UTS2B: variants seen among roughly 807,000 people sequenced by gnomAD.
UTS2B encodes urotensin-2B.
In UTS2B, 21 loss-of-function variants were observed where a neutral mutation model predicts 19.2. The observed-to-expected ratio is 1.09, with a 90% CI of 0.78 to 1.58. The LOEUF (loss-of-function observed/expected upper bound fraction) is 1.58, where lower values mean the gene tolerates loss of function less well. UTS2B is among the 40% of genes most tolerant of loss of function. The pLI is 0.00. For synonymous variants in UTS2B, 57 were observed against 50.2 expected (o/e 1.14, Z -0.58); for missense variants, 138 against 130.3 (o/e 1.06, Z -0.29).
rs1716655371 is a variant in UTS2B, at chr3:191,289,471, T to C, written c.-124-7158A>G. Among the ~76,000 whole-genome samples the C allele has an allele frequency of 2.0e-5, 3 of 148,256 alleles. No homozygotes were observed. In the Admixed American group the frequency reaches 2.0e-4, roughly 10 times the overall value. On this transcript the variant is annotated intron_variant, in intron 4 of 8. Transcript: ENST00000340524. Reference sequence around the variant, plus strand: ...ATAAAAAACAAACGAAATTAATATGTTCAGTGCTCTAACATATTCATCACG... The same window carrying C: ...ATAAAAAACAAACGAAATTAATATGCTCAGTGCTCTAACATATTCATCACG...
chr3:191,303,752 A>G (rs1474455843), intron 4 of UTS2B, among the ~76,000 whole-genome samples: 5 of 152,138 alleles, frequency 3.3e-5, no homozygotes, highest in East Asian at 1.9e-4. Flanking sequence ...TTCTCTCCCA[A>G]TGTTTTTCCT....
Position 191,278,111 on chromosome 3 carries a change from GT to G in UTS2B, c.162del (p.Leu55Ter). 1 of 1,569,706 alleles carries G rather than the reference GT, an allele frequency of 6.4e-7. No individual in the cohort carries two copies. Among genetic ancestry groups the G allele is most frequent in the Admixed American group, 1.9e-5 (1 of 51,358 alleles). Reference sequence around the variant, plus strand: ...CTTTGGAAATCAAAATTTTTATTCAGTAGAGCCAGCAATAGTTCCTCACGAT... The same window carrying G: ...CTTTGGAAATCAAAATTTTTATTCAGAGAGCCAGCAATAGTTCCTCACGAT... Reference protein sequence around the residue: ...YTNREELLLALLNKNFDFQRP... With the variant: ...YTNREELLLAXLNKNFDFQRP... On this transcript the variant is annotated frameshift_variant, in exon 6 of 9. Coordinates refer to ENST00000340524, the MANE Select transcript of UTS2B (RefSeq NM_198152.5). LOFTEE classifies it high-confidence loss of function.
In UTS2B at chr3:191,310,313, G is replaced by A. The variant is rs547172440; in HGVS notation, c.-182+5723C>T. 2.6e-5 allele frequency among the ~76,000 whole-genome samples: 4 copies of A among 151,512 alleles called. No homozygotes were observed. In the South Asian group the frequency reaches 8.3e-4, roughly 32 times the overall value. ...CAATGTGAGAATGACCTAACACGAA[G>A]ATAGAGATAACATCCCCTTTCAAAA... On this transcript the variant is annotated intron_variant, in intron 3 of 8. Coordinates refer to ENST00000340524, the MANE Select transcript of UTS2B (RefSeq NM_198152.5).
At chr3:191,283,850 C>A (rs1212343722) in intron 4 of UTS2B, among the ~76,000 whole-genome samples, 1 of 152,126 alleles carries the variant, frequency 6.6e-6, no homozygotes, top group Non-Finnish European at 1.5e-5. Flanking sequence ...CATTTCAAAA[C>A]CTCTGTCATT....
intron 4 of UTS2B, among the ~76,000 whole-genome samples, chr3:191,285,604 A>G (rs1436960415): frequency 6.6e-6 from 1 of 152,160 alleles, no homozygotes; most frequent in Non-Finnish European, 1.5e-5. Flanking sequence ...TTAAAAATAT[A>G]CATAAGTTCA....
chr3:191,333,690 A>T (rs1718058739), upstream of UTS2B, among the ~76,000 whole-genome samples: 1 of 152,030 alleles, frequency 6.6e-6, no homozygotes. Flanking sequence ...GTGTGAATAA[A>T]TGAATGAGTG....
chr3:191,335,337 G>A (rs915896408), upstream of UTS2B, among the ~76,000 whole-genome samples: 1 of 152,286 alleles, frequency 6.6e-6, no homozygotes. Flanking sequence ...GTAGCCACTG[G>A]AAGTGCCATT....
At chr3:191,314,851 T>C (rs962831426) in intron 3 of UTS2B, among the ~76,000 whole-genome samples, 1 of 152,168 alleles carries the variant, frequency 6.6e-6, no homozygotes, top group Admixed American at 6.5e-5. Flanking sequence ...TGGAGGTTTC[T>C]GGAGGATGGG....
At chr3:191,273,168 A>C (rs1262518887) in intron 8 of UTS2B, among the ~76,000 whole-genome samples, 1 of 152,080 alleles carries the variant, frequency 6.6e-6, no homozygotes, top group Non-Finnish European at 1.5e-5. Flanking sequence ...ACTCCGTCTC[A>C]AAAAAAAGGA....
the UTS2B span, among the ~76,000 whole-genome samples, chr3:191,342,206 C>T: frequency 6.6e-6 from 1 of 152,158 alleles, no homozygotes; most frequent in African/African-American, 2.4e-5. Context: ...GTGTAGAGTT[C>T]TGACAAATAG....
chr3:191,313,420 G>C (rs9856015), intron 3 of UTS2B, among the ~76,000 whole-genome samples: 35,320 of 152,110 alleles, frequency 0.23, 4,317 homozygotes, highest in South Asian at 0.29. Flanking sequence ...TCAGGACCCA[G>C]ATTCATGGGA....
chr3:191,284,325 T>C (rs1716474081), intron 4 of UTS2B, among the ~76,000 whole-genome samples: 2 of 152,042 alleles, frequency 1.3e-5, no homozygotes, highest in Non-Finnish European at 2.9e-5. Context: ...TCTTTTCTTT[T>C]CTTTTCCTTT....
intron 3 of UTS2B, among the ~76,000 whole-genome samples, chr3:191,306,182 A>G (rs567105844): frequency 6.6e-6 from 1 of 152,294 alleles, no homozygotes; most frequent in East Asian, 1.9e-4. Flanking sequence ...ATTTTAAAAT[A>G]GTTTTCTCTA....
chr3:191,307,217 A>G (rs918587462), intron 3 of UTS2B, among the ~76,000 whole-genome samples: 5 of 152,148 alleles, frequency 3.3e-5, no homozygotes, highest in Admixed American at 3.3e-4. Context: ...AGAATCATAG[A>G]TCCTTGGAAA....
At chr3:191,320,907 A>G (rs1717596237) in intron 2 of UTS2B, among the ~76,000 whole-genome samples, 1 of 152,216 alleles carries the variant, frequency 6.6e-6, no homozygotes, top group Admixed American at 6.5e-5. Context: ...TGTGGTTTGA[A>G]TGTGTCTCTC....
intron 1 of UTS2B, chr3:191,329,451 C>A: frequency 2.2e-6 from 1 of 463,974 alleles, no homozygotes; most frequent in South Asian, 4.1e-5. Context: ...AGCAGGTGGC[C>A]GCGGCGGGGC....
Position 191,276,837 on chromosome 3 carries a change from G to A in UTS2B, c.210C>T (p.Ala70=), listed in dbSNP as rs1219181172. Residue 70 remains alanine, a synonymous_variant, in exon 7 of 9, where the codon GCC becomes GCT. Transcript: ENST00000340524. ...DFQRPFNTDL[A]LPNKLEELNQ... is the part of the protein sequence containing the mutation. ...TAAGTTCTTCCAGTTTGTTAGGTAA[G>A]GCTAGGTCTGCAAGACACATTTGTC... 3 of 1,611,268 alleles carry A rather than the reference G, an allele frequency of 1.9e-6. No individual in the cohort carries two copies. The highest frequency in any genetic ancestry group is 2.5e-6 in the Non-Finnish European group (3 of 1,178,998).
intron 6 of UTS2B, among the ~76,000 whole-genome samples, chr3:191,277,797 A>T (rs1716275343): frequency 6.6e-6 from 1 of 152,050 alleles, no homozygotes; most frequent in South Asian, 2.1e-4. Flanking sequence ...ATAGATGAGA[A>T]GAAAATATGA....
chr3:191,299,538 A>C (rs1440739354), intron 4 of UTS2B, among the ~76,000 whole-genome samples: 3 of 152,282 alleles, frequency 2.0e-5, no homozygotes, highest in Non-Finnish European at 2.9e-5. Context: ...ACAGAGTGCA[A>C]GAGTTGGGGC....
Sources: gnomAD v4.1 joint callset for allele counts (sites outside exome capture counted in the v4.1 genomes callset) on GRCh38, gnomAD v4.1.1 for gene constraint, MANE v1.5 for transcripts, NCBI Gene and HGNC (gene_info 2026-07-23, HGNC 2026-07-21) for gene names.